QTMAN: variants seen among roughly 807,000 people sequenced by gnomAD.
The protein encoded by QTMAN is queuosine-tRNA mannosyltransferase.
At chr2:144,231,042 T>C in the QTMAN span, among the ~76,000 whole-genome samples, 15 of 152,278 alleles carry the variant, frequency 9.9e-5, no homozygotes, top group Admixed American at 3.3e-4. Context: ...TGTAAAAGTA[T>C]TCTACAGAAT....
the QTMAN span, among the ~76,000 whole-genome samples, chr2:144,285,667 T>C: frequency 2.0e-5 from 3 of 152,208 alleles, no homozygotes; most frequent in African/African-American, 7.2e-5. Context: ...CAGAAAAAGA[T>C]ACAATTACAA....
the QTMAN span, among the ~76,000 whole-genome samples, chr2:144,001,352 C>T: frequency 6.6e-6 from 1 of 151,902 alleles, no homozygotes; most frequent in Non-Finnish European, 1.5e-5. Flanking sequence ...TTCAGTGACT[C>T]ACCTAAGTAT....
At chr2:144,032,357 C>T in the QTMAN span, among the ~76,000 whole-genome samples, 2 of 152,130 alleles carry the variant, frequency 1.3e-5, no homozygotes, top group African/African-American at 2.4e-5. Context: ...TAACCCAGCA[C>T]CAAATGTGGA....
the QTMAN span, among the ~76,000 whole-genome samples, chr2:144,269,162 A>T: frequency 8.8e-3 from 1,336 of 152,344 alleles, 14 homozygotes; most frequent in African/African-American, 0.03. Flanking sequence ...GATTCCATTC[A>T]TAATATACGC....
At chr2:143,958,782 CTTTT>C in the QTMAN span, among the ~76,000 whole-genome samples, 15 of 113,344 alleles carry the variant, frequency 1.3e-4, no homozygotes, top group African/African-American at 3.9e-4. Flanking sequence ...TTCTTTCTTT[CTTTT>C]TTTTTTTTTT....
chr2:143,997,492 G>T, the QTMAN span, among the ~76,000 whole-genome samples: 3 of 152,056 alleles, frequency 2.0e-5, no homozygotes, highest in Non-Finnish European at 4.4e-5. Context: ...TCTCAGCTCT[G>T]ATGGGCTTAT....
chr2:144,189,666 C>T, the QTMAN span, among the ~76,000 whole-genome samples: 1 of 152,020 alleles, frequency 6.6e-6, no homozygotes, highest in African/African-American at 2.4e-5. Flanking sequence ...ACCGAGGCTG[C>T]TGGAGTCCAG....
the QTMAN span, chr2:144,007,542 CA>C: frequency 3.2e-5 from 49 of 1,515,276 alleles, no homozygotes; most frequent in Non-Finnish European, 4.1e-5. Flanking sequence ...GAATCTGTTA[CA>C]AAAAAAGAAT....
chr2:144,328,519 G>T, the QTMAN span, among the ~76,000 whole-genome samples: 1 of 152,180 alleles, frequency 6.6e-6, no homozygotes, highest in Non-Finnish European at 1.5e-5. Flanking sequence ...GATATAGTGA[G>T]ACAGCATACC....
the QTMAN span, among the ~76,000 whole-genome samples, chr2:144,036,805 C>G: frequency 1.3e-5 from 2 of 152,052 alleles, no homozygotes; most frequent in African/African-American, 4.8e-5. Context: ...GCTTTTGCAA[C>G]AGGAATTTTT....
At chr2:144,149,054 T>C in the QTMAN span, among the ~76,000 whole-genome samples, 2 of 152,012 alleles carry the variant, frequency 1.3e-5, no homozygotes, top group African/African-American at 4.8e-5. Flanking sequence ...ATGCAGGTGA[T>C]CCATAGGCAA....
At chr2:144,250,751 GAAAA>G in the QTMAN span, among the ~76,000 whole-genome samples, 8 of 67,090 alleles carry the variant, frequency 1.2e-4, no homozygotes, top group South Asian at 4.4e-4. Flanking sequence ...CTTTAAGGCC[GAAAA>G]AAAAAAAAAA....
chr2:144,208,824 T>C, the QTMAN span: 8 of 1,448,248 alleles, frequency 5.5e-6, no homozygotes. Context: ...AACCAAAAAA[T>C]GTATATTTTT....
chr2:143,958,471 A>G, the QTMAN span, among the ~76,000 whole-genome samples: 3 of 152,030 alleles, frequency 2.0e-5, no homozygotes, highest in South Asian at 2.1e-4. Context: ...AGAGAAAGAC[A>G]CTCATTTTTG....
At chr2:144,057,243 A>G in the QTMAN span, among the ~76,000 whole-genome samples, 1 of 152,178 alleles carries the variant, frequency 6.6e-6, no homozygotes, top group African/African-American at 2.4e-5. Flanking sequence ...TATAAAACTC[A>G]CTTTTAATAC....
the QTMAN span, among the ~76,000 whole-genome samples, chr2:144,307,043 C>A: frequency 1.3e-5 from 2 of 151,532 alleles, no homozygotes; most frequent in East Asian, 3.9e-4. Context: ...CGCCTGTAGT[C>A]CCAGCTACTG....
the QTMAN span, among the ~76,000 whole-genome samples, chr2:144,065,309 G>A: frequency 3.3e-5 from 5 of 152,128 alleles, no homozygotes; most frequent in African/African-American, 1.2e-4. Context: ...AAGTACACTG[G>A]AGTATCTTCT....
At chr2:144,223,936 T>C in the QTMAN span, among the ~76,000 whole-genome samples, 1 of 152,284 alleles carries the variant, frequency 6.6e-6, no homozygotes, top group East Asian at 1.9e-4. Context: ...TTTCCTTCCA[T>C]CCTAAAGGCA....
the QTMAN span, among the ~76,000 whole-genome samples, chr2:144,186,993 G>A: frequency 6.6e-6 from 1 of 152,098 alleles, no homozygotes; most frequent in Non-Finnish European, 1.5e-5. Flanking sequence ...TTAGTGTCAG[G>A]TATTAATATC....
Sources: gnomAD v4.1 joint callset for allele counts (sites outside exome capture counted in the v4.1 genomes callset) on GRCh38, gnomAD v4.1.1 for gene constraint, MANE v1.5 for transcripts, NCBI Gene and HGNC (gene_info 2026-07-23, HGNC 2026-07-21) for gene names.